SDCCAG8: variants seen among roughly 807,000 people sequenced by gnomAD.
The protein encoded by SDCCAG8 is SHH signaling and ciliogenesis regulator SDCCAG8.
In SDCCAG8, 74 loss-of-function variants were observed where a neutral mutation model predicts 101.8. The ratio of observed to expected loss-of-function variants is 0.73; its 90% CI spans 0.60 to 0.88. The LOEUF is 0.88. Among genes scored for constraint, SDCCAG8 ranks in the 40% least tolerant of loss-of-function variants. SDCCAG8 has a pLI of 0.00. For synonymous variants in SDCCAG8, 281 were observed against 292.9 expected, an observed-to-expected ratio of 0.96 and a Z score of 0.41; for missense variants, 787 against 822.6, an observed-to-expected ratio of 0.96 and a Z score of 0.53.
intron 17 of SDCCAG8, 147 bp downstream of exon 17, chr1:243,489,287 C>T: frequency 9.0e-7 from 1 of 1,107,162 alleles, no homozygotes; most frequent in Non-Finnish European, 1.3e-6. Context: ...GTGCTGGGCA[C>T]AGTGCAGGAC....
rs542931451 is a variant in SDCCAG8 at position 243,333,048 on chromosome 1, G to A, written c.1221+2356G>A. Among the ~76,000 whole-genome samples the A allele has an allele frequency of 3.7e-4, 56 of 152,296 alleles. 1 individual carries two copies. Among genetic ancestry groups the A allele is most frequent in the African/African-American group, 1.3e-3 (56 of 41,564 alleles). ...CAGAGAGCCTTACTTAACTAACAAA[G>A]AAAATGGAAGCCGTTGGGTGATGAC... On this transcript the variant is annotated intron_variant, in intron 10 of 17. Transcript: ENST00000366541.
chr1:243,297,518 A>T (rs2071050750), intron 6 of SDCCAG8, among the ~76,000 whole-genome samples: 1 of 151,732 alleles, frequency 6.6e-6, no homozygotes, highest in East Asian at 1.9e-4. Context: ...GGGTTTTATC[A>T]GTTTACACTC....
intron 16 of SDCCAG8, among the ~76,000 whole-genome samples, chr1:243,437,349 C>T (rs1270889572): frequency 1.3e-5 from 2 of 152,068 alleles, no homozygotes; most frequent in African/African-American, 2.4e-5. Flanking sequence ...CCTTTAGAAG[C>T]TTCGAATCCA....
At chr1:243,451,783 G>C (rs2083374120) in intron 16 of SDCCAG8, among the ~76,000 whole-genome samples, 1 of 152,120 alleles carries the variant, frequency 6.6e-6, no homozygotes, top group Non-Finnish European at 1.5e-5. Flanking sequence ...ACAAAAACCA[G>C]CCAGGCTTGG....
intron 6 of SDCCAG8, among the ~76,000 whole-genome samples, chr1:243,301,084 CTT>C (rs1277471978): frequency 6.6e-6 from 1 of 152,068 alleles, no homozygotes; most frequent in Admixed American, 6.5e-5. Flanking sequence ...TTTTTCAAAA[CTT>C]ATGTACACTA....
intron 12 of SDCCAG8, among the ~76,000 whole-genome samples, chr1:243,354,406 A>T (rs1413996078): frequency 6.6e-6 from 1 of 152,230 alleles, no homozygotes; most frequent in Non-Finnish European, 1.5e-5. Context: ...CATTTTCGTT[A>T]TGATTGGTAA....
At chr1:243,489,220 G>A (rs1321952932) in intron 17 of SDCCAG8, 80 bp downstream of exon 17, 23 of 1,547,078 alleles carry the variant, frequency 1.5e-5, no homozygotes, top group Non-Finnish European at 1.9e-5. Flanking sequence ...TCAACAGGCC[G>A]GCTTTCTCAC....
chr1:243,457,454 G>A (rs940463703), intron 16 of SDCCAG8, among the ~76,000 whole-genome samples: 11 of 152,220 alleles, frequency 7.2e-5, no homozygotes, highest in South Asian at 4.1e-4. Context: ...AGAATTCACC[G>A]TTTAAGTAAA....
At chr1:243,437,844 C>CTGTT (rs1430494086) in intron 16 of SDCCAG8, among the ~76,000 whole-genome samples, 2 of 152,186 alleles carry the variant, frequency 1.3e-5, no homozygotes, top group African/African-American at 4.8e-5. Flanking sequence ...GGCCAGAAAG[C>CTGTT]TGTTTTTTAA....
intron 13 of SDCCAG8, among the ~76,000 whole-genome samples, chr1:243,392,503 G>A (rs1007473023): frequency 6.6e-6 from 1 of 152,156 alleles, no homozygotes; most frequent in Non-Finnish European, 1.5e-5. Flanking sequence ...GCCTATTTCC[G>A]AAGTCAGGCA....
chr1:243,484,109 C>T (rs1480300862), intron 16 of SDCCAG8, among the ~76,000 whole-genome samples: 1 of 152,262 alleles, frequency 6.6e-6, no homozygotes, highest in Non-Finnish European at 1.5e-5. Context: ...GCCCTGACCC[C>T]AGAACGTCTC....
Position 243,303,901 on chromosome 1 carries a change from C to G in SDCCAG8, c.676-812C>G, listed in dbSNP as rs958238470. Reference sequence around the variant, plus strand: ...CAGCCTAGCCAACATGATGAAACCCCATCTCTACTAAAAATACAAAAATTA... The same window carrying G: ...CAGCCTAGCCAACATGATGAAACCCGATCTCTACTAAAAATACAAAAATTA... On this transcript the variant is annotated intron_variant, in intron 6 of 17. Coordinates refer to ENST00000366541, the MANE Select transcript of SDCCAG8 (RefSeq NM_006642.5). 7.9e-5 allele frequency among the ~76,000 whole-genome samples: 12 copies of G among 152,188 alleles called. No individual in the cohort carries two copies. In the East Asian group the frequency reaches 2.3e-3, roughly 29 times the overall value.
intron 12 of SDCCAG8, among the ~76,000 whole-genome samples, chr1:243,361,444 C>T (rs923433781): frequency 3.3e-5 from 5 of 152,212 alleles, no homozygotes; most frequent in African/African-American, 2.4e-5. Context: ...GAAAGCAAAA[C>T]GTGAATTGCA....
chr1:243,492,605 T>TTTTTC (rs1491352516), intron 17 of SDCCAG8, among the ~76,000 whole-genome samples: 23 of 10,660 alleles, frequency 2.2e-3, no homozygotes, highest in African/African-American at 4.2e-3. Context: ...CGCCCAGCTG[T>TTTTTC]TTTTTTTTTT....
intron 13 of SDCCAG8, among the ~76,000 whole-genome samples, chr1:243,406,806 G>A (rs1047949583): frequency 5.3e-5 from 8 of 152,050 alleles, no homozygotes; most frequent in South Asian, 2.1e-4. Context: ...TGTTCTCAGG[G>A]CACCTGGTTA....
intron 5 of SDCCAG8, among the ~76,000 whole-genome samples, chr1:243,289,137 C>A (rs889850224): frequency 1.6e-4 from 24 of 151,786 alleles, no homozygotes; most frequent in Admixed American, 6.6e-5. Context: ...TTAACTGACA[C>A]AATCACAAGG....
intron 16 of SDCCAG8, among the ~76,000 whole-genome samples, chr1:243,473,533 C>CT (rs917567525): frequency 6.6e-6 from 1 of 152,132 alleles, no homozygotes; most frequent in African/African-American, 2.4e-5. Flanking sequence ...TGGGAAGTTT[C>CT]TTTTTAAAGG....
chr1:243,414,103 A>G (rs1363408859), intron 13 of SDCCAG8, among the ~76,000 whole-genome samples: 1 of 152,226 alleles, frequency 6.6e-6, no homozygotes, highest in Non-Finnish European at 1.5e-5. Flanking sequence ...CAATAACTAA[A>G]GTGTGATAAA....
intron 13 of SDCCAG8, among the ~76,000 whole-genome samples, chr1:243,401,191 G>A (rs1284918639): frequency 6.6e-6 from 1 of 152,182 alleles, no homozygotes; most frequent in East Asian, 1.9e-4. Context: ...CACCTGCCCT[G>A]CTTTCTGGGT....
Sources: gnomAD v4.1 joint callset for allele counts (sites outside exome capture counted in the v4.1 genomes callset) on GRCh38, gnomAD v4.1.1 for gene constraint, MANE v1.5 for transcripts, NCBI Gene and HGNC (gene_info 2026-07-23, HGNC 2026-07-21) for gene names.